Variants in RAB40B observed in about 807,000 individuals in gnomAD.
RAB40B encodes the protein ras-related protein Rab-40B.
Under a neutral mutation model 24.0 loss-of-function variants are expected in RAB40B, and 21 were observed. That is an observed-to-expected ratio of 0.88 (90% confidence interval 0.62 to 1.26). The LOEUF is 1.26. RAB40B is among the 50% of genes most tolerant of loss of function. The probability of loss-of-function intolerance (pLI) is 0.00; values close to 1 mark genes in which losing one functional copy is unlikely to be tolerated. For missense variants in RAB40B, 348 were observed against 390.5 expected (o/e 0.89, Z 0.92); for synonymous variants, 167 against 169.8 (o/e 0.98, Z 0.13).
Position 82,656,620 on chromosome 17 carries a change from C to G in RAB40B, c.*1243G>C, listed in dbSNP as rs1314355201. 1 of 152,280 alleles carries G rather than the reference C, an allele frequency of 6.6e-6. No individual in the cohort carries two copies. The highest frequency in any genetic ancestry group is 2.4e-5 in the African/African-American group (1 of 41,460). 9.4% of individuals were successfully genotyped at this position (152,280 alleles called of 1,614,324 possible). A position where few individuals can be genotyped will look rare whatever the true frequency, so the allele number is the denominator to read the frequency against. On this transcript the variant is annotated 3_prime_UTR_variant, in exon 6 of 6. Coordinates refer to ENST00000571995, the MANE Select transcript of RAB40B (RefSeq NM_006822.3). ...GGAATCCTTTCTCAACAGGCGACAA[C>G]AGTTCAAGGATTCAGCCTTGTTGCC... is the stretch of plus-strand genomic sequence containing the variant.
chr17:82,670,494 A>C (rs143725019), intron 1 of RAB40B, among the ~76,000 whole-genome samples: 47 of 151,302 alleles, frequency 3.1e-4, no homozygotes, highest in African/African-American at 9.7e-4. Context: ...CAAGGGCCAA[A>C]CAACTTTAAA....
At chr17:82,658,354 C>T in intron 5 of RAB40B, 137 bp downstream of exon 5, 2 of 1,140,910 alleles carry the variant, frequency 1.8e-6, no homozygotes, top group Non-Finnish European at 2.5e-6. Flanking sequence ...CATTACTTCT[C>T]TCAAATGCCT....
At chr17:82,658,887 G>A (rs1254169147) in intron 4 of RAB40B, 174 bp from the exon 5 acceptor site, 5 of 612,128 alleles carry the variant, frequency 8.2e-6, no homozygotes, top group East Asian at 2.8e-5. Flanking sequence ...GTTACGGTGC[G>A]GCCGCACTGA....
intron 1 of RAB40B, among the ~76,000 whole-genome samples, chr17:82,674,475 CAAA>C (rs372664626): frequency 4.9e-5 from 7 of 142,322 alleles, no homozygotes; most frequent in Non-Finnish European, 7.6e-5. Flanking sequence ...AGTAAAAATA[CAAA>C]AAAAAAAAAA....
In RAB40B at chr17:82,663,561, C is replaced by T. The variant is rs567887574; in HGVS notation, c.203+935G>A. On this transcript the variant is annotated intron_variant, in intron 2 of 5. Transcript: ENST00000571995. This position sits in a 1 kb window ranked among gnomAD's most constrained non-coding sequence, Gnocchi z 6.2. The stretch of plus-strand genomic sequence containing the variant: ...GAGGGAGAGGTGCCCCGGGCTTGCC[C>T]CAAGGTGAGGAGCTGGGGTTCTCAC... Among the ~76,000 whole-genome samples the T allele has an allele frequency of 6.6e-6, 1 of 152,138 alleles. No individual in the cohort carries two copies. The highest frequency in any genetic ancestry group is 6.5e-5 in the Admixed American group (1 of 15,292).
In RAB40B at chr17:82,698,468, G is replaced by A; in HGVS notation, c.129C>T (p.Tyr43=). ...SLQDGAAESP[Y]GHPAGIDYKT... ...GCCCGCGCTCACCCGCCGGGTGGCC[G>A]TACGGGGACTCGGCCGCGCCATCCT... The change falls in exon 1 of 6, where the codon TAC becomes TAT. Residue 43 remains tyrosine, a synonymous_variant. Transcript: ENST00000571995. 3 of 1,466,694 alleles carry A rather than the reference G, an allele frequency of 2.0e-6. No individual in the cohort carries two copies. Among genetic ancestry groups the A allele is most frequent in the South Asian group, 1.3e-5 (1 of 78,964 alleles). 90.9% of individuals were successfully genotyped at this position (1,466,694 alleles called of 1,614,324 possible).
chr17:82,674,204 G>C (rs888388563), intron 1 of RAB40B, among the ~76,000 whole-genome samples: 2 of 152,064 alleles, frequency 1.3e-5, no homozygotes, highest in African/African-American at 4.8e-5. Flanking sequence ...GCCGGGTGTG[G>C]TGGCGGGTGC....
At position 82,679,478 on chromosome 17, in the gene RAB40B, T is replaced by G. The variant is rs924166435; in HGVS notation, c.143-14922A>C. Reference sequence around the variant, plus strand: ...TTGTATTTTTAGTAGAGACAGGGTTTCACTGTGTTAGCCAGGATGGTCTCG... The same window carrying G: ...TTGTATTTTTAGTAGAGACAGGGTTGCACTGTGTTAGCCAGGATGGTCTCG... On this transcript the variant is annotated intron_variant, in intron 1 of 5. Coordinates refer to ENST00000571995, the MANE Select transcript of RAB40B (RefSeq NM_006822.3). Among the ~76,000 whole-genome samples, 25 of 151,990 alleles carry G rather than the reference T, an allele frequency of 1.6e-4. 1 individual carries two copies. The East Asian group carries it at 4.7e-3, about 28-fold the overall frequency.
At chr17:82,686,157 G>A (rs1450818494) in intron 1 of RAB40B, among the ~76,000 whole-genome samples, 2 of 147,428 alleles carry the variant, frequency 1.4e-5, no homozygotes, top group Admixed American at 7.0e-5. Context: ...CAGGCTGGAG[G>A]CTGGAGTGCA....
rs80233511 is a variant in RAB40B, at chr17:82,662,560, G to C, written c.204-1513C>G. On this transcript the variant is annotated intron_variant, in intron 2 of 5. Coordinates refer to ENST00000571995, the MANE Select transcript of RAB40B (RefSeq NM_006822.3). ...CAGGTGGGGGCAGGCAGAAGACCCA[G>C]TTGTGGGCACCAGGAAGGACCACAC... The C allele has an allele frequency of 1.1e-5, 11 of 985,320 alleles. No homozygotes were observed. The East Asian group carries it at 1.1e-3, about 102-fold the overall frequency. 61.0% of individuals were successfully genotyped at this position (985,320 alleles called of 1,614,324 possible). A position where few individuals can be genotyped will look rare whatever the true frequency, so the allele number is the denominator to read the frequency against.
At chr17:82,686,019 G>A (rs951208282) in intron 1 of RAB40B, among the ~76,000 whole-genome samples, 18 of 151,744 alleles carry the variant, frequency 1.2e-4, no homozygotes, top group African/African-American at 3.9e-4. Context: ...GGCCAGGCTG[G>A]TCTCAAACTG....
rs564840414 is a variant in RAB40B at position 82,692,265 on chromosome 17, G to C, written c.142+6190C>G. Among the ~76,000 whole-genome samples, 35 of 152,014 alleles carry C rather than the reference G, an allele frequency of 2.3e-4. No homozygotes were observed. The highest frequency in any genetic ancestry group is 6.2e-4 in the South Asian group (3 of 4,806). On this transcript the variant is annotated intron_variant, in intron 1 of 5. Transcript: ENST00000571995. The surrounding 1 kb of genome is among the most constrained non-coding windows in gnomAD (Gnocchi z 4.0). ...CTGAGGTGACAGGCAGAGCAGTGGGGTCCACATAGTCTGTGGAGTCAAGTT... is the reference window on the plus strand; with the variant it reads ...CTGAGGTGACAGGCAGAGCAGTGGGCTCCACATAGTCTGTGGAGTCAAGTT...
intron 5 of RAB40B, 84 bp from the exon 6 acceptor site, chr17:82,658,218 C>G: frequency 6.5e-7 from 1 of 1,533,110 alleles, no homozygotes; most frequent in Non-Finnish European, 8.8e-7. Context: ...CCTGTTCTCC[C>G]GCCCTCCCAA....
chr17:82,661,376 G>A, intron 2 of RAB40B: 1 of 789,218 alleles, frequency 1.3e-6, no homozygotes, highest in Non-Finnish European at 1.6e-6. Context: ...ATGCAGTAAG[G>A]AGTGTGGGTC....
At chr17:82,685,348 G>A (rs1182243882) in intron 1 of RAB40B, among the ~76,000 whole-genome samples, 1 of 151,542 alleles carries the variant, frequency 6.6e-6, no homozygotes, top group East Asian at 1.9e-4. Flanking sequence ...CTCAACTGTG[G>A]CCGTGCACTC....
chr17:82,668,829 G>A (rs760299386), intron 1 of RAB40B, among the ~76,000 whole-genome samples: 3 of 152,252 alleles, frequency 2.0e-5, no homozygotes, highest in Non-Finnish European at 2.9e-5. Flanking sequence ...TGCCTGATCC[G>A]TGGATCGAGA....
chr17:82,680,267 G>A (rs2046436500), intron 1 of RAB40B, among the ~76,000 whole-genome samples: 1 of 152,304 alleles, frequency 6.6e-6, no homozygotes, highest in East Asian at 1.9e-4. Flanking sequence ...ACCCAGGGGA[G>A]TGGCCATAGG....
Position 82,655,719 on chromosome 17 carries a change from G to C in RAB40B, c.*2144C>G, listed in dbSNP as rs1442638589. 1.3e-5 allele frequency: 2 copies of C among 152,236 alleles called. No homozygotes were observed. The highest frequency in any genetic ancestry group is 2.9e-5 in the Non-Finnish European group (2 of 68,066). The allele number at this position is 152,236 out of a possible 1,614,324, so 9.4% of individuals were successfully genotyped here. A position where few individuals can be genotyped will look rare whatever the true frequency, so the allele number is the denominator to read the frequency against. ...ACAGGTCTTTGCAGCGTGCCTGCAC[G>C]AGGCTGGCCACCCTCTCCAGACACT... On this transcript the variant is annotated 3_prime_UTR_variant, in exon 6 of 6. Coordinates refer to ENST00000571995, the MANE Select transcript of RAB40B (RefSeq NM_006822.3).
rs2046387373 is a variant in RAB40B at position 82,675,692 on chromosome 17, G to C, written c.143-11136C>G. ...TGTCTTCTCCCCATGTCCTCCCCTA[G>C]CTGGAGGGGCGAGGGAGCTCTTGGA... is the stretch of plus-strand genomic sequence containing the variant. On this transcript the variant is annotated intron_variant, in intron 1 of 5. Coordinates refer to ENST00000571995, the MANE Select transcript of RAB40B (RefSeq NM_006822.3). The surrounding 1 kb of genome is among the most constrained non-coding windows in gnomAD (Gnocchi z 4.5). Among the ~76,000 whole-genome samples the C allele has an allele frequency of 6.6e-6, 1 of 152,144 alleles. No homozygotes were observed. Among genetic ancestry groups the C allele is most frequent in the African/African-American group, 2.4e-5 (1 of 41,410 alleles).
Sources: gnomAD v4.1 joint callset for allele counts (sites outside exome capture counted in the v4.1 genomes callset) on GRCh38, gnomAD v4.1.1 for gene constraint, Gnocchi (gnomAD v3.1) non-coding constraint, MANE v1.5 for transcripts, NCBI Gene and HGNC (gene_info 2026-07-23, HGNC 2026-07-21) for gene names.